The following PPM1E variants were observed in gnomAD, a reference collection of about 807,000 sequenced individuals.
PPM1E encodes protein phosphatase 1E.
Under a neutral mutation model 65.9 loss-of-function variants are expected in PPM1E, and 20 were observed. The ratio of observed to expected loss-of-function variants is 0.30; its 90% CI spans 0.21 to 0.44. PPM1E has a LOEUF of 0.44. PPM1E is among the 20% of genes least tolerant of loss of function. The pLI, the probability that PPM1E is intolerant of heterozygous loss-of-function variation, is 1.00. For missense variants in PPM1E, 713 were observed against 953.1 expected (o/e 0.75, Z 3.32); for synonymous variants, 352 against 374.9 (o/e 0.94, Z 0.70).
At chr17:58,897,141 G>A (rs376643129) in intron 1 of PPM1E, among the ~76,000 whole-genome samples, 11 of 152,152 alleles carry the variant, frequency 7.2e-5, no homozygotes, top group African/African-American at 2.4e-4. Flanking sequence ...CCGGCCGGGC[G>A]CGGTGGCTCA....
chr17:58,972,098 T>C, intron 4 of PPM1E, 34 bp from the exon 5 acceptor site: 3 of 1,586,840 alleles, frequency 1.9e-6, no homozygotes, highest in Non-Finnish European at 2.6e-6. Flanking sequence ...CTATTTCTTT[T>C]CACTGAGTCT....
chr17:58,814,983 C>G (rs980186473), intron 1 of PPM1E, among the ~76,000 whole-genome samples: 32 of 152,166 alleles, frequency 2.1e-4, no homozygotes, highest in Non-Finnish European at 1.0e-4. Flanking sequence ...ATATTTCTAG[C>G]TTAGTACATG....
intron 1 of PPM1E, among the ~76,000 whole-genome samples, chr17:58,800,020 T>C (rs896109384): frequency 7.9e-5 from 12 of 152,358 alleles, no homozygotes; most frequent in African/African-American, 2.9e-4. Context: ...GGTAGGAATA[T>C]GAATGGGATT....
intron 1 of PPM1E, among the ~76,000 whole-genome samples, chr17:58,931,065 T>TAAAAA: frequency 1.7e-5 from 1 of 60,590 alleles, no homozygotes; most frequent in South Asian, 4.9e-4. Context: ...AATACAAAAA[T>TAAAAA]TAAAAAAAAA....
Position 58,972,728 on chromosome 17 carries a change from C to A in PPM1E, c.1117-104C>A, listed in dbSNP as rs901624132. The A allele has an allele frequency of 5.9e-6, 6 of 1,022,806 alleles. No individual in the cohort carries two copies. In the African/African-American group the frequency reaches 6.4e-5, roughly 11 times the overall value. The allele number at this position is 1,022,806 out of a possible 1,614,324, so 63.4% of individuals were successfully genotyped here. ...CCCTCCAATGGAGAAACAAAGAGAA[C>A]CTTTTCATGAGCTGATGAGTATTAT... On this transcript the variant is annotated intron_variant, in intron 5 of 6. Transcript: ENST00000308249.
intron 1 of PPM1E, among the ~76,000 whole-genome samples, chr17:58,765,179 C>CTTTTTTTT (rs11298918): frequency 3.8e-5 from 5 of 132,152 alleles, no homozygotes; most frequent in Non-Finnish European, 8.1e-5. Context: ...TTCTTTCTTT[C>CTTTTTTTT]TTTTTTTTTT....
intron 1 of PPM1E, among the ~76,000 whole-genome samples, chr17:58,773,739 G>A (rs1289590873): frequency 6.6e-6 from 1 of 152,110 alleles, no homozygotes; most frequent in African/African-American, 2.4e-5. Flanking sequence ...TGTTTCTTAA[G>A]TGTTGAACGT....
chr17:58,903,574 A>G (rs1424615176), intron 1 of PPM1E, among the ~76,000 whole-genome samples: 1 of 152,246 alleles, frequency 6.6e-6, no homozygotes, highest in Non-Finnish European at 1.5e-5. Context: ...AAAGGGAAAA[A>G]GAAGTGGAGA....
At chr17:58,948,077 G>A (rs1450046682) in intron 1 of PPM1E, among the ~76,000 whole-genome samples, 1 of 152,090 alleles carries the variant, frequency 6.6e-6, no homozygotes, top group East Asian at 1.9e-4. Flanking sequence ...GAAGCCGGGG[G>A]AAGCCACGTG....
chr17:58,825,263 C>T (rs1030144324), intron 1 of PPM1E, among the ~76,000 whole-genome samples: 4 of 133,498 alleles, frequency 3.0e-5, no homozygotes, highest in Admixed American at 1.5e-4. Context: ...CACACACACA[C>T]AAAAATAAAT....
chr17:58,760,550 T>G (rs1177422806), intron 1 of PPM1E, among the ~76,000 whole-genome samples: 1 of 152,210 alleles, frequency 6.6e-6, no homozygotes, highest in Non-Finnish European at 1.5e-5. Flanking sequence ...AGTCTTACCC[T>G]TCTGCAATAT....
chr17:58,967,218 TA>T (rs2143685840), intron 3 of PPM1E, among the ~76,000 whole-genome samples: 1 of 152,346 alleles, frequency 6.6e-6, no homozygotes, highest in Non-Finnish European at 1.5e-5. Flanking sequence ...ATTTCACTTT[TA>T]ATTCTTTATT....
At chr17:58,972,978 C>A in intron 6 of PPM1E, 53 bp downstream of exon 6, 1 of 1,263,782 alleles carries the variant, frequency 7.9e-7, no homozygotes, top group South Asian at 1.3e-5. Context: ...AGCTCATTCT[C>A]CTGTATCAAC....
At chr17:58,775,270 A>C (rs2049982164) in intron 1 of PPM1E, among the ~76,000 whole-genome samples, 3 of 152,176 alleles carry the variant, frequency 2.0e-5, no homozygotes, top group African/African-American at 7.2e-5. Context: ...ATGACAACTA[A>C]ATAAGATAGA....
At chr17:58,962,916 C>G (rs1355353630) in intron 2 of PPM1E, among the ~76,000 whole-genome samples, 1 of 151,378 alleles carries the variant, frequency 6.6e-6, no homozygotes, top group Non-Finnish European at 1.5e-5. Flanking sequence ...CCCATCTTAA[C>G]AACAAAAAAA....
At chr17:58,781,139 CTTTTTTTT>C (rs35359689) in intron 1 of PPM1E, among the ~76,000 whole-genome samples, 4 of 123,106 alleles carry the variant, frequency 3.2e-5, no homozygotes, top group Non-Finnish European at 5.2e-5. Flanking sequence ...GTGCAGATGT[CTTTTTTTT>C]TTTTTTTTTT....
At chr17:58,907,995 T>G (rs1241894946) in intron 1 of PPM1E, among the ~76,000 whole-genome samples, 1 of 152,206 alleles carries the variant, frequency 6.6e-6, no homozygotes, top group Admixed American at 6.5e-5. Context: ...ATTGATATAC[T>G]TGGATTATTT....
chr17:58,945,474 G>GT (rs1160283716), intron 1 of PPM1E, among the ~76,000 whole-genome samples: 1 of 152,158 alleles, frequency 6.6e-6, no homozygotes, highest in Non-Finnish European at 1.5e-5. Context: ...AGTGTGTGGG[G>GT]TTTTCCCACC....
intron 1 of PPM1E, among the ~76,000 whole-genome samples, chr17:58,914,050 A>T (rs568462294): frequency 3.9e-5 from 6 of 152,208 alleles, no homozygotes; most frequent in Admixed American, 3.3e-4. Flanking sequence ...AGGAATGAAC[A>T]AGGACAGCTT....
Sources: allele counts gnomAD v4.1 joint callset (sites outside exome capture counted in the v4.1 genomes callset), GRCh38; gene constraint gnomAD v4.1.1; transcripts MANE v1.5; gene names NCBI Gene and HGNC (gene_info 2026-07-23, HGNC 2026-07-21).